Variants in CTIF observed in about 807,000 individuals in gnomAD.
CTIF encodes cap binding complex dependent translation initiation factor.
Under a neutral mutation model 66.0 loss-of-function variants are expected in CTIF, and 21 were observed. The ratio of observed to expected loss-of-function variants is 0.32; its 90% CI spans 0.23 to 0.46. The LOEUF (loss-of-function observed/expected upper bound fraction) is 0.46, where lower values mean the gene tolerates loss of function less well. Among genes scored for constraint, CTIF ranks in the 20% least tolerant of loss-of-function variants. CTIF has a pLI of 1.00. For synonymous variants in CTIF, 345 were observed against 326.4 expected, an observed-to-expected ratio of 1.06 and a Z score of -0.62; for missense variants, 739 against 812.7, an observed-to-expected ratio of 0.91 and a Z score of 1.10.
intron 6 of CTIF, among the ~76,000 whole-genome samples, chr18:48,671,841 T>A (rs1472212525): frequency 6.7e-6 from 1 of 149,690 alleles, no homozygotes; most frequent in Non-Finnish European, 1.5e-5. Context: ...GTGTTTCATT[T>A]TGGATAGCTT....
chr18:48,599,118 T>C (rs2090041919), intron 1 of CTIF, among the ~76,000 whole-genome samples: 1 of 152,098 alleles, frequency 6.6e-6, no homozygotes, highest in African/African-American at 2.4e-5. Context: ...CTCATGGGTG[T>C]TGGAAAGGCC....
At chr18:48,623,620 C>T (rs2090538397) in intron 2 of CTIF, among the ~76,000 whole-genome samples, 1 of 149,716 alleles carries the variant, frequency 6.7e-6, no homozygotes, top group Non-Finnish European at 1.5e-5. Context: ...GGGAATGTTC[C>T]TGTCTGCCTG....
At chr18:48,812,322 A>G (rs1163915793) in intron 9 of CTIF, among the ~76,000 whole-genome samples, 2 of 152,100 alleles carry the variant, frequency 1.3e-5, no homozygotes, top group African/African-American at 4.8e-5. Flanking sequence ...AACATGTAGG[A>G]GTGATTTGTT....
At chr18:48,616,055 G>A (rs1406242644) in intron 1 of CTIF, among the ~76,000 whole-genome samples, 3 of 152,174 alleles carry the variant, frequency 2.0e-5, no homozygotes, top group Non-Finnish European at 1.5e-5. Context: ...GGCATGTTTG[G>A]GAGAGCCCCG....
intron 1 of CTIF, among the ~76,000 whole-genome samples, chr18:48,614,470 AATGG>A (rs1240671202): frequency 6.6e-6 from 1 of 152,234 alleles, no homozygotes; most frequent in Non-Finnish European, 1.5e-5. Flanking sequence ...TCAGTGGATG[AATGG>A]ATAAATAAAA....
At chr18:48,624,234 C>T (rs372162004) in intron 2 of CTIF, among the ~76,000 whole-genome samples, 40 of 151,752 alleles carry the variant, frequency 2.6e-4, no homozygotes, top group African/African-American at 9.2e-4. Flanking sequence ...GATTGGAAGT[C>T]CCCACAGTCA....
At chr18:48,784,506 G>A (rs1307530435) in intron 9 of CTIF, among the ~76,000 whole-genome samples, 33 of 152,166 alleles carry the variant, frequency 2.2e-4, no homozygotes, top group Admixed American at 2.2e-3. Context: ...ATACCCTTTG[G>A]TCTCTGGGGC....
In CTIF at chr18:48,852,233, T is replaced by TAA. The variant is rs10591389; in HGVS notation, c.1528-5327_1528-5326dup. 2.3e-3 allele frequency among the ~76,000 whole-genome samples: 152 copies of TAA among 66,562 alleles called. 4 individuals are homozygous for TAA. The highest frequency in any genetic ancestry group is 4.1e-3 in the African/African-American group (79 of 19,488). The allele number at this position is 66,562 out of a possible 152,430, so 43.7% of individuals were successfully genotyped here. Reference sequence around the variant, plus strand: ...TGGGGGACAGAGTGAGACCCTGTCTTAAAAAAAAAAAAAAAAAAAAAAAAA... The same window carrying TAA: ...TGGGGGACAGAGTGAGACCCTGTCTTAAAAAAAAAAAAAAAAAAAAAAAAAAA... On this transcript the variant is annotated intron_variant, in intron 10 of 11. Coordinates refer to ENST00000256413, the MANE Select transcript of CTIF (RefSeq NM_014772.3).
intron 3 of CTIF, 104 bp from the exon 4 acceptor site, chr18:48,663,648 T>A: frequency 9.8e-7 from 1 of 1,024,710 alleles, no homozygotes; most frequent in East Asian, 2.4e-5. Context: ...CCATACTCAC[T>A]TGGGGGCTCA....
chr18:48,584,092 A>G (rs2089718628), intron 1 of CTIF, among the ~76,000 whole-genome samples: 2 of 152,210 alleles, frequency 1.3e-5, no homozygotes, highest in Non-Finnish European at 2.9e-5. Context: ...CTTCCCACCC[A>G]GCTGGCTGCA....
At chr18:48,602,950 T>G (rs9676168) in intron 1 of CTIF, among the ~76,000 whole-genome samples, 1,701 of 150,248 alleles carry the variant, frequency 0.011, 27 homozygotes, top group African/African-American at 0.04. Flanking sequence ...GACAGTTAGA[T>G]GAGTGGATGG....
chr18:48,727,897 G>A (rs1223677801), intron 7 of CTIF, among the ~76,000 whole-genome samples: 1 of 152,088 alleles, frequency 6.6e-6, no homozygotes, highest in Admixed American at 6.6e-5. Context: ...CCTAATTTTA[G>A]CATCATTTGC....
intron 2 of CTIF, among the ~76,000 whole-genome samples, chr18:48,627,471 C>A (rs1055131983): frequency 6.6e-6 from 1 of 152,018 alleles, no homozygotes; most frequent in Non-Finnish European, 1.5e-5. Flanking sequence ...GTAATCCCAG[C>A]ACTTTAGAAA....
chr18:48,777,711 T>A (rs1161403077), intron 9 of CTIF, among the ~76,000 whole-genome samples: 2 of 152,334 alleles, frequency 1.3e-5, no homozygotes, highest in Non-Finnish European at 2.9e-5. Context: ...TGTCTAGTGT[T>A]GTTTATGTTC....
At chr18:48,786,356 T>C (rs1053675710) in intron 9 of CTIF, among the ~76,000 whole-genome samples, 5 of 152,170 alleles carry the variant, frequency 3.3e-5, no homozygotes, top group African/African-American at 1.2e-4. Flanking sequence ...AGCCCAGCGG[T>C]GGGCACTGTC....
intron 1 of CTIF, chr18:48,540,353 G>T (rs12959719): frequency 0.62 from 85,976 of 138,124 alleles, 29,807 homozygotes; most frequent in East Asian, 0.92. Flanking sequence ...TGTCCCGGGC[G>T]CCGGTCATGG....
intron 3 of CTIF, among the ~76,000 whole-genome samples, chr18:48,646,496 T>C (rs111589592): frequency 0.041 from 6,211 of 151,532 alleles, 210 homozygotes; most frequent in African/African-American, 0.09. Flanking sequence ...CCTGTAATCT[T>C]AACACTCTGG....
chr18:48,583,953 C>T (rs1198573343), intron 1 of CTIF, among the ~76,000 whole-genome samples: 2 of 152,132 alleles, frequency 1.3e-5, no homozygotes, highest in African/African-American at 2.4e-5. Context: ...AGAACAGGAA[C>T]GGTTTCATGA....
At chr18:48,664,574 C>A (rs750183360) in intron 5 of CTIF, 23 bp downstream of exon 5, 1 of 1,602,588 alleles carries the variant, frequency 6.2e-7, no homozygotes, top group Non-Finnish European at 8.5e-7. Flanking sequence ...GGGGCTCTTA[C>A]CCAGGGTGGG....
Sources: allele counts gnomAD v4.1 joint callset (sites outside exome capture counted in the v4.1 genomes callset), GRCh38; gene constraint gnomAD v4.1.1; transcripts MANE v1.5; gene names NCBI Gene and HGNC (gene_info 2026-07-23, HGNC 2026-07-21).